The following TENM2 variants were observed in gnomAD, a reference collection of about 807,000 sequenced individuals.
TENM2 encodes the protein teneurin-2.
Under a neutral mutation model 245.2 loss-of-function variants are expected in TENM2, and 52 were observed. That is an observed-to-expected ratio of 0.21 (90% confidence interval 0.17 to 0.27). TENM2 has a LOEUF of 0.27. Among genes scored for constraint, TENM2 ranks in the 10% least tolerant of loss-of-function variants. The probability of loss-of-function intolerance (pLI) is 1.00; values close to 1 mark genes in which losing one functional copy is unlikely to be tolerated. For synonymous variants in TENM2, 1,363 were observed against 1,438.9 expected, an observed-to-expected ratio of 0.95 and a Z score of 1.19; for missense variants, 3,046 against 3,666.8, an observed-to-expected ratio of 0.83 and a Z score of 4.37.
chr5:168,231,013 T>C (rs1446738828), intron 25 of TENM2: 1 of 152,250 alleles, frequency 6.6e-6, no homozygotes, highest in Non-Finnish European at 1.5e-5. Flanking sequence ...CCAGTTGCTC[T>C]GTCTTGCGAT....
chr5:167,982,541 C>T (rs1267053657), intron 4 of TENM2, among the ~76,000 whole-genome samples: 1 of 152,108 alleles, frequency 6.6e-6, no homozygotes, highest in Non-Finnish European at 1.5e-5. Context: ...TTCAGCCCTT[C>T]CAATAGTTCT....
At chr5:167,689,609 C>T (rs2150400300) in intron 2 of TENM2, among the ~76,000 whole-genome samples, 1 of 152,328 alleles carries the variant, frequency 6.6e-6, no homozygotes, top group African/African-American at 2.4e-5. Flanking sequence ...GGCCTTTTCT[C>T]CCCTAATGTC....
intron 2 of TENM2, among the ~76,000 whole-genome samples, chr5:167,846,159 T>C (rs547105583): frequency 6.6e-6 from 1 of 152,308 alleles, no homozygotes; most frequent in South Asian, 2.1e-4. Flanking sequence ...AGCCACCTAT[T>C]TACATGTCTA....
chr5:167,390,105 C>T, intron 2 of TENM2, among the ~76,000 whole-genome samples: 1 of 152,300 alleles, frequency 6.6e-6, no homozygotes, highest in South Asian at 2.1e-4. Flanking sequence ...GTGTGAAGAT[C>T]ACTTGGCTGC....
At chr5:168,207,671 CT>C (rs1230059696) in intron 19 of TENM2, among the ~76,000 whole-genome samples, 1 of 152,174 alleles carries the variant, frequency 6.6e-6, no homozygotes, top group Non-Finnish European at 1.5e-5. Context: ...ACCTGTCTTG[CT>C]TATGTCTTTT....
intron 2 of TENM2, among the ~76,000 whole-genome samples, chr5:167,480,676 G>A (rs981868727): frequency 1.3e-5 from 2 of 152,112 alleles, no homozygotes; most frequent in Non-Finnish European, 2.9e-5. Flanking sequence ...AAAGCAGGTC[G>A]TTCATTTATT....
chr5:168,018,168 C>T (rs1256610843), intron 5 of TENM2, among the ~76,000 whole-genome samples: 1 of 152,184 alleles, frequency 6.6e-6, no homozygotes, highest in African/African-American at 2.4e-5. Flanking sequence ...TATAGCAATG[C>T]AAGAATCACT....
chr5:168,004,899 A>G (rs1478162785), intron 5 of TENM2, among the ~76,000 whole-genome samples: 1 of 152,078 alleles, frequency 6.6e-6, no homozygotes, highest in Non-Finnish European at 1.5e-5. Context: ...CTTTTAAAAA[A>G]CTTACCAGTC....
intron 2 of TENM2, among the ~76,000 whole-genome samples, chr5:167,527,091 C>T (rs1448246608): frequency 6.6e-6 from 1 of 152,104 alleles, no homozygotes; most frequent in African/African-American, 2.4e-5. Context: ...TTCTTATCCA[C>T]CCCTACTCAC....
At chr5:167,457,057 A>C (rs1030110581) in intron 2 of TENM2, among the ~76,000 whole-genome samples, 1 of 152,150 alleles carries the variant, frequency 6.6e-6, no homozygotes, top group African/African-American at 2.4e-5. Context: ...CAAAAATGTA[A>C]AAATTATTTT....
At chr5:168,101,106 T>G (rs180904555) in intron 9 of TENM2, among the ~76,000 whole-genome samples, 252 of 152,162 alleles carry the variant, frequency 1.7e-3, no homozygotes, top group Non-Finnish European at 2.7e-3. Flanking sequence ...CCTCAGGCTC[T>G]GAGGGTCACT....
chr5:167,725,080 G>C (rs985951338), intron 2 of TENM2, among the ~76,000 whole-genome samples: 1 of 152,120 alleles, frequency 6.6e-6, no homozygotes, highest in East Asian at 1.9e-4. Flanking sequence ...TGTTCAAATA[G>C]TTTGGTATGC....
chr5:167,356,262 A>C (rs1300513767), intron 1 of TENM2, among the ~76,000 whole-genome samples: 1 of 151,194 alleles, frequency 6.6e-6, no homozygotes, highest in African/African-American at 2.4e-5. Flanking sequence ...AGAGGGTTGC[A>C]TCTCTATTCT....
At chr5:167,204,979 C>T in the TENM2 span, among the ~76,000 whole-genome samples, 4 of 152,192 alleles carry the variant, frequency 2.6e-5, no homozygotes, top group African/African-American at 9.7e-5. Flanking sequence ...GTCTTCTCAT[C>T]AAGAAATAGA....
At chr5:167,416,579 AC>A (rs1763178631) in intron 2 of TENM2, among the ~76,000 whole-genome samples, 1 of 152,218 alleles carries the variant, frequency 6.6e-6, no homozygotes, top group Admixed American at 6.5e-5. Context: ...AAATATTGGC[AC>A]GACACCACAT....
Position 168,226,121 on chromosome 5 carries a change from G to A in TENM2, c.5142G>A (p.Thr1714=), listed in dbSNP as rs547919706. The change falls in exon 24 of 29, where the codon ACG becomes ACA. Residue 1714 remains threonine (T), a synonymous_variant. Transcript: ENST00000518659. ...ACGAAGGCCGCCTGACCAACGTGAC[G>A]CGCCCCACGGGGGTGGTAACCAGTC... The A allele has an allele frequency of 4.3e-5, 70 of 1,613,664 alleles. No individual in the cohort carries two copies. The East Asian group carries it at 4.5e-4, about 10-fold the overall frequency.
chr5:167,649,679 G>A (rs1162323642), intron 2 of TENM2, among the ~76,000 whole-genome samples: 1 of 152,160 alleles, frequency 6.6e-6, no homozygotes, highest in Non-Finnish European at 1.5e-5. Flanking sequence ...ATATGGATGT[G>A]TTTTTGAGGA....
At chr5:167,508,933 C>T (rs1379675869) in intron 2 of TENM2, among the ~76,000 whole-genome samples, 4 of 152,164 alleles carry the variant, frequency 2.6e-5, no homozygotes, top group Non-Finnish European at 5.9e-5. Flanking sequence ...ATTCTCCTGC[C>T]TCAGCCTCCC....
chr5:167,006,888 A>G, the TENM2 span, among the ~76,000 whole-genome samples: 2 of 151,948 alleles, frequency 1.3e-5, no homozygotes, highest in Non-Finnish European at 2.9e-5. Flanking sequence ...GCTGGTCTTG[A>G]ACTCCCGACC....
Sources: allele counts gnomAD v4.1 joint callset (sites outside exome capture counted in the v4.1 genomes callset), GRCh38; gene constraint gnomAD v4.1.1; transcripts MANE v1.5; gene names NCBI Gene and HGNC (gene_info 2026-07-23, HGNC 2026-07-21).